The following TMEM209 variants were observed in gnomAD, a reference collection of about 807,000 sequenced individuals.
TMEM209 encodes testicular tissue protein Li 202.
TMEM209 carries 65 observed loss-of-function variants against 76.2 expected under a neutral mutation model. That is an observed-to-expected ratio of 0.85 (90% CI 0.70 to 1.05). The LOEUF (loss-of-function observed/expected upper bound fraction) is 1.05, where lower values mean the gene tolerates loss of function less well. Among genes scored for constraint, TMEM209 ranks in the 50% least tolerant of loss-of-function variants. The pLI is 0.00. For synonymous variants in TMEM209, 239 were observed against 237.6 expected, an observed-to-expected ratio of 1.01 and a Z score of -0.06; for missense variants, 623 against 685.5, an observed-to-expected ratio of 0.91 and a Z score of 1.02.
At chr7:130,181,884 C>A in intron 8 of TMEM209, 165 bp from the exon 9 acceptor site, 1 of 529,392 alleles carries the variant, frequency 1.9e-6, no homozygotes, top group Non-Finnish European at 3.3e-6. Context: ...AATAGCTACC[C>A]GAAATCAAGA....
At chr7:130,181,801 C>G in intron 8 of TMEM209, 82 bp from the exon 9 acceptor site, 2 of 1,154,962 alleles carry the variant, frequency 1.7e-6, no homozygotes, top group Non-Finnish European at 2.5e-6. Context: ...ACAAGCAACT[C>G]TAAGAATTTT....
chr7:130,195,737 G>C (rs976620041), intron 5 of TMEM209, among the ~76,000 whole-genome samples: 8 of 151,788 alleles, frequency 5.3e-5, no homozygotes, highest in Middle Eastern at 3.4e-3. Flanking sequence ...GTTTTTTACA[G>C]ATCCCAGGGA....
chr7:130,198,018 ACAAT>A (rs1428275150), intron 5 of TMEM209, among the ~76,000 whole-genome samples: 6 of 152,250 alleles, frequency 3.9e-5, no homozygotes, highest in Admixed American at 1.3e-4. Context: ...TACAGCCATC[ACAAT>A]CAATTTCAGA....
At chr7:130,192,882 G>T in intron 5 of TMEM209, 59 bp from the exon 6 acceptor site, 1 of 1,543,646 alleles carries the variant, frequency 6.5e-7, no homozygotes, top group South Asian at 1.2e-5. Flanking sequence ...ATTTTGTTTT[G>T]GTTTTTGACT....
At chr7:130,204,491 G>A (rs1353945935) in intron 1 of TMEM209, among the ~76,000 whole-genome samples, 2 of 152,070 alleles carry the variant, frequency 1.3e-5, no homozygotes, top group African/African-American at 2.4e-5. Context: ...ACAGACGCCC[G>A]CCACCGCGTC....
intron 5 of TMEM209, among the ~76,000 whole-genome samples, chr7:130,200,195 G>GA (rs570293830): frequency 1.1e-4 from 16 of 151,348 alleles, no homozygotes; most frequent in East Asian, 9.7e-4. Flanking sequence ...AGCAACCCAA[G>GA]AAAAAAAATC....
At chr7:130,197,233 T>C (rs925442484) in intron 5 of TMEM209, among the ~76,000 whole-genome samples, 2 of 152,204 alleles carry the variant, frequency 1.3e-5, no homozygotes, top group Non-Finnish European at 2.9e-5. Context: ...GTGGAAGCCA[T>C]CAACATATGA....
chr7:130,200,558 G>T (rs1462142610), intron 5 of TMEM209, among the ~76,000 whole-genome samples: 9 of 152,096 alleles, frequency 5.9e-5, no homozygotes, highest in Non-Finnish European at 2.9e-5. Flanking sequence ...TCCATTAGAT[G>T]AGTATTAAAT....
In TMEM209 at chr7:130,166,163, G is replaced by A. The variant is rs1182294636; in HGVS notation, c.*288C>T. ...GACTCAAAATCTATTTCATTAAGGG[G>A]AATGGCACTATTTTGAGTCAATAAA... On this transcript the variant is annotated 3_prime_UTR_variant, in exon 15 of 15. Transcript: ENST00000397622. The A allele has an allele frequency of 2.8e-5, 7 of 249,602 alleles. No homozygotes were observed. Among genetic ancestry groups the A allele is most frequent in the African/African-American group, 1.6e-4 (7 of 45,010 alleles). 15.5% of individuals were successfully genotyped at this position (249,602 alleles called of 1,614,324 possible).
intron 5 of TMEM209, chr7:130,199,882 C>T (rs997474554): frequency 6.6e-6 from 1 of 152,050 alleles, no homozygotes; most frequent in Non-Finnish European, 1.5e-5. Context: ...GCACTAAAAA[C>T]ACAGCAAGTG....
intron 10 of TMEM209, among the ~76,000 whole-genome samples, chr7:130,175,829 A>G (rs1797218214): frequency 6.6e-6 from 1 of 152,114 alleles, no homozygotes; most frequent in Admixed American, 6.6e-5. Flanking sequence ...TCTGACTACT[A>G]TTTTGGCTTC....
At chr7:130,191,944 T>G (rs1797811036) in intron 6 of TMEM209, among the ~76,000 whole-genome samples, 1 of 152,324 alleles carries the variant, frequency 6.6e-6, no homozygotes, top group Admixed American at 6.5e-5. Flanking sequence ...TAGAAATCAC[T>G]GGTGAGACTC....
intron 14 of TMEM209, among the ~76,000 whole-genome samples, chr7:130,169,078 A>T (rs140298144): frequency 0.011 from 1,659 of 151,944 alleles, 41 homozygotes; most frequent in African/African-American, 0.038. Flanking sequence ...CTCTACCAAA[A>T]ATACCCGGCA....
intron 8 of TMEM209, among the ~76,000 whole-genome samples, chr7:130,183,602 T>C (rs1797497537): frequency 6.6e-6 from 1 of 152,118 alleles, no homozygotes; most frequent in Non-Finnish European, 1.5e-5. Context: ...GAGCTCCGTA[T>C]AGTGGAAGGG....
intron 5 of TMEM209, among the ~76,000 whole-genome samples, chr7:130,195,089 TG>T (rs1173149257): frequency 1.3e-4 from 20 of 152,302 alleles, no homozygotes; most frequent in African/African-American, 4.6e-4. Context: ...GGAAGTATCC[TG>T]TTACTCAAAA....
intron 5 of TMEM209, among the ~76,000 whole-genome samples, chr7:130,193,909 C>T (rs957057519): frequency 3.4e-4 from 51 of 151,580 alleles, no homozygotes; most frequent in African/African-American, 1.2e-3. Flanking sequence ...AGAAATAAAC[C>T]ACTGTGAGGC....
At position 130,204,170 on chromosome 7, in the gene TMEM209, C is replaced by T. The variant is rs892661656; in HGVS notation, c.4-60G>A. The T allele has an allele frequency of 1.1e-5, 17 of 1,522,900 alleles. No homozygotes were observed. In the East Asian group the frequency reaches 3.8e-4, roughly 34 times the overall value. The allele number at this position is 1,522,900 out of a possible 1,614,324, so 94.3% of individuals were successfully genotyped here. A position where few individuals can be genotyped will look rare whatever the true frequency, so the allele number is the denominator to read the frequency against. On this transcript the variant is annotated intron_variant, in intron 1 of 14. Coordinates refer to ENST00000397622, the MANE Select transcript of TMEM209 (RefSeq NM_032842.4). ...AAGAAACTATTGCTCCATTTAAAAA[C>T]CAAATTTTGCATCCCTTATAAAGGT...
chr7:130,199,686 GGA>G (rs1244155966), intron 5 of TMEM209, among the ~76,000 whole-genome samples: 1 of 151,970 alleles, frequency 6.6e-6, no homozygotes, highest in East Asian at 1.9e-4. Context: ...GGGTACAAAG[GGA>G]GAGTTAACAT....
chr7:130,165,019 A>G lies in TMEM209; in HGVS notation c.*1432T>C, dbSNP rs1796840621. On this transcript the variant is annotated 3_prime_UTR_variant, in exon 15 of 15. Transcript: ENST00000397622. Reference sequence around the variant, plus strand: ...AGAACTGTACTGACTTAAATTTGGAATTTACTAATTACTGGGGATACTTTA... The same window carrying G: ...AGAACTGTACTGACTTAAATTTGGAGTTTACTAATTACTGGGGATACTTTA... The G allele has an allele frequency of 6.6e-6, 1 of 152,190 alleles. No individual in the cohort carries two copies. The highest frequency in any genetic ancestry group is 1.5e-5 in the Non-Finnish European group (1 of 68,010). The allele number at this position is 152,190 out of a possible 1,614,324, so 9.4% of individuals were successfully genotyped here. A position where few individuals can be genotyped will look rare whatever the true frequency, so the allele number is the denominator to read the frequency against.
Sources: gnomAD v4.1 joint callset for allele counts (sites outside exome capture counted in the v4.1 genomes callset) on GRCh38, gnomAD v4.1.1 for gene constraint, MANE v1.5 for transcripts, NCBI Gene and HGNC (gene_info 2026-07-23, HGNC 2026-07-21) for gene names.